Variants in TSPEAR observed in about 807,000 individuals in gnomAD.
The protein encoded by TSPEAR is thrombospondin type laminin G domain and EAR repeats, also known as thrombospondin-type laminin G domain and EAR repeat-containing protein.
Under a neutral mutation model 71.6 loss-of-function variants are expected in TSPEAR, and 69 were observed. The observed-to-expected ratio is 0.96, with a 90% confidence interval of 0.79 to 1.18. TSPEAR has a LOEUF of 1.18. Among genes scored for constraint, TSPEAR ranks in the 50% most tolerant of loss-of-function variants. The pLI is 0.00. For synonymous variants in TSPEAR, 402 were observed against 387.2 expected (o/e 1.04, Z -0.45); for missense variants, 971 against 894.9 (o/e 1.09, Z -1.09).
At chr21:44,613,503 C>T (rs1454048932) in intron 1 of TSPEAR, among the ~76,000 whole-genome samples, 7 of 152,300 alleles carry the variant, frequency 4.6e-5, no homozygotes, top group Middle Eastern at 3.4e-3. Flanking sequence ...GAGAGCCCAC[C>T]CTACAGAGTC....
intron 1 of TSPEAR, among the ~76,000 whole-genome samples, chr21:44,572,843 ACACAC>A: frequency 9.6e-6 from 1 of 103,724 alleles, no homozygotes; most frequent in Non-Finnish European, 2.1e-5. Flanking sequence ...GGACACACAC[ACACAC>A]ACACACACAC....
chr21:44,704,029 C>T (rs1458290363), intron 1 of TSPEAR, among the ~76,000 whole-genome samples: 2 of 152,210 alleles, frequency 1.3e-5, no homozygotes, highest in Non-Finnish European at 2.9e-5. Context: ...ATCACCTGGC[C>T]TCTGTCTGCC....
chr21:44,658,414 G>C, intron 1 of TSPEAR: 1 of 765,424 alleles, frequency 1.3e-6, no homozygotes, highest in Non-Finnish European at 2.0e-6. Context: ...GTGGAAAAAT[G>C]ATTCAGACCT....
intron 1 of TSPEAR, among the ~76,000 whole-genome samples, chr21:44,693,935 A>G (rs1335565536): frequency 3.3e-5 from 5 of 152,260 alleles, no homozygotes; most frequent in Admixed American, 6.5e-5. Context: ...TAACCCAAGT[A>G]TCTACCAACA....
chr21:44,529,441 C>T (rs1377756155), intron 5 of TSPEAR, among the ~76,000 whole-genome samples: 4 of 152,124 alleles, frequency 2.6e-5, no homozygotes, highest in South Asian at 4.1e-4. Context: ...ATGGCCCAAA[C>T]GCTGTCCTTG....
intron 1 of TSPEAR, among the ~76,000 whole-genome samples, chr21:44,683,728 A>G (rs1268096988): frequency 2.6e-5 from 4 of 152,176 alleles, no homozygotes; most frequent in African/African-American, 9.7e-5. Flanking sequence ...GTTAAAAAAA[A>G]TAAACCTGAT....
At chr21:44,540,155 G>C (rs374739884) in intron 2 of TSPEAR, 5 of 1,611,722 alleles carry the variant, frequency 3.1e-6, no homozygotes, top group Non-Finnish European at 4.2e-6. Flanking sequence ...GGCCATGCTG[G>C]GGTGGGGAGG....
intron 10 of TSPEAR, among the ~76,000 whole-genome samples, chr21:44,507,278 T>C (rs1407019889): frequency 2.0e-5 from 3 of 152,130 alleles, no homozygotes; most frequent in African/African-American, 7.2e-5. Flanking sequence ...TGGCTGCACA[T>C]ATCTGTGGAT....
At chr21:44,658,286 A>G in intron 1 of TSPEAR, 1 of 1,610,620 alleles carries the variant, frequency 6.2e-7, no homozygotes, top group Non-Finnish European at 8.5e-7. Flanking sequence ...TGCTCCTGGT[A>G]CACGGGGGTA....
At chr21:44,666,697 C>T in intron 1 of TSPEAR, 3 of 1,613,634 alleles carry the variant, frequency 1.9e-6, no homozygotes, top group Non-Finnish European at 2.5e-6. Flanking sequence ...GGCACACACA[C>T]AGAAGACTGG....
At chr21:44,534,198 G>T (rs1601378071) in intron 2 of TSPEAR, among the ~76,000 whole-genome samples, 1 of 36,496 alleles carries the variant, frequency 2.7e-5, no homozygotes, top group East Asian at 5.7e-4. Flanking sequence ...TGTGTGAGGG[G>T]TGGGGCTTGT....
At chr21:44,684,417 C>T (rs1986761306) in intron 1 of TSPEAR, among the ~76,000 whole-genome samples, 1 of 152,100 alleles carries the variant, frequency 6.6e-6, no homozygotes. Flanking sequence ...ACCTGTAGTC[C>T]CAACTATTCA....
chr21:44,603,054 G>A (rs1250536000), intron 1 of TSPEAR, among the ~76,000 whole-genome samples: 3 of 44,200 alleles, frequency 6.8e-5, no homozygotes, highest in Non-Finnish European at 3.4e-4. Flanking sequence ...CTGCTCCAGA[G>A]GGGGTGGAGA....
At chr21:44,702,622 C>A in intron 1 of TSPEAR, 7 of 1,602,356 alleles carry the variant, frequency 4.4e-6, no homozygotes, top group Non-Finnish European at 6.0e-6. Context: ...TGTGTCCCTC[C>A]TCTGCCACCC....
At chr21:44,622,275 C>G (rs1189448409) in intron 1 of TSPEAR, among the ~76,000 whole-genome samples, 2 of 151,998 alleles carry the variant, frequency 1.3e-5, no homozygotes, top group Non-Finnish European at 2.9e-5. Flanking sequence ...AACCTCCCAT[C>G]TCATTTTGGT....
intron 1 of TSPEAR, chr21:44,573,727 C>G: frequency 6.3e-7 from 1 of 1,597,798 alleles, no homozygotes; most frequent in Non-Finnish European, 8.5e-7. Context: ...CCCATCTCCC[C>G]CAGCTCAACC....
chr21:44,614,539 G>C (rs1353649863), intron 1 of TSPEAR, among the ~76,000 whole-genome samples: 1 of 152,236 alleles, frequency 6.6e-6, no homozygotes, highest in East Asian at 1.9e-4. Flanking sequence ...CCAGTTCCAG[G>C]CTCGGTTCCT....
chr21:44,672,654 C>T (rs78699931), intron 1 of TSPEAR, among the ~76,000 whole-genome samples: 5,989 of 152,212 alleles, frequency 0.039, 130 homozygotes, highest in Middle Eastern at 0.085. Context: ...CATTCAGATG[C>T]AGGAAGCTCA....
At chr21:44,562,963 T>C (rs1415997773) in intron 2 of TSPEAR, among the ~76,000 whole-genome samples, 1 of 152,134 alleles carries the variant, frequency 6.6e-6, no homozygotes. Context: ...TTATAAAAAG[T>C]AGTACAAATG....
Sources: allele counts gnomAD v4.1 joint callset (sites outside exome capture counted in the v4.1 genomes callset), GRCh38; gene constraint gnomAD v4.1.1; transcripts MANE v1.5; gene names NCBI Gene and HGNC (gene_info 2026-07-23, HGNC 2026-07-21).